Variants in MOK observed in about 807,000 individuals in gnomAD.
MOK encodes MOK protein kinase, also known as MAPK/MAK/MRK overlapping kinase.
In MOK, 59 loss-of-function variants were observed where a neutral mutation model predicts 54.2. The observed-to-expected ratio is 1.09, with a 90% CI of 0.88 to 1.35. The LOEUF is 1.35. MOK is among the 40% of genes most tolerant of loss of function. The pLI is 0.00. For synonymous variants in MOK, 210 were observed against 202.7 expected, an observed-to-expected ratio of 1.04 and a Z score of -0.31; for missense variants, 517 against 526.2, an observed-to-expected ratio of 0.98 and a Z score of 0.17.
chr14:102,299,139 G>C (rs1195705735), intron 1 of MOK, among the ~76,000 whole-genome samples: 1 of 151,546 alleles, frequency 6.6e-6, no homozygotes, highest in African/African-American at 2.4e-5. Context: ...ATTTAAGAAA[G>C]ACAAATTACT....
At chr14:102,293,915 G>A (rs1283361316) in intron 1 of MOK, among the ~76,000 whole-genome samples, 1 of 152,136 alleles carries the variant, frequency 6.6e-6, no homozygotes, top group Admixed American at 6.6e-5. Flanking sequence ...AGAAATCAGT[G>A]AAAGTGTTGG....
the MOK span, among the ~76,000 whole-genome samples, chr14:102,216,732 C>A: frequency 1.3e-5 from 2 of 152,272 alleles, no homozygotes; most frequent in African/African-American, 4.8e-5. Flanking sequence ...GAGTTTGAGA[C>A]CAGCCCAGCC....
chr14:102,297,544 G>A (rs2071571694), intron 1 of MOK, among the ~76,000 whole-genome samples: 1 of 152,220 alleles, frequency 6.6e-6, no homozygotes, highest in South Asian at 2.1e-4. Flanking sequence ...CCTCGGCCTC[G>A]GTGCCCACTC....
chr14:102,224,653 G>A (rs1309227875), downstream of MOK: 12 of 455,956 alleles, frequency 2.6e-5, no homozygotes, highest in Admixed American at 9.4e-5. Context: ...ATGCAGCCAC[G>A]GAAAACTTCA....
intron 2 of MOK, among the ~76,000 whole-genome samples, chr14:102,266,681 CA>C (rs1226477119): frequency 4.6e-5 from 7 of 152,124 alleles, no homozygotes; most frequent in African/African-American, 1.7e-4. Flanking sequence ...CTCCCGGGTT[CA>C]AGCGATTCTC....
At chr14:102,268,423 G>A (rs1167805457) in intron 2 of MOK, among the ~76,000 whole-genome samples, 2 of 151,832 alleles carry the variant, frequency 1.3e-5, no homozygotes, top group Non-Finnish European at 2.9e-5. Flanking sequence ...TCTTTGCCTT[G>A]GAGTTGCGTT....
At chr14:102,228,503 G>A (rs1314275788), downstream of MOK, among the ~76,000 whole-genome samples, 1 of 152,068 alleles carries the variant, frequency 6.6e-6, no homozygotes, top group Non-Finnish European at 1.5e-5. Context: ...TTTGAGACCA[G>A]CCTGACCAAC....
downstream of MOK, among the ~76,000 whole-genome samples, chr14:102,224,191 G>A (rs183994579): frequency 2.7e-3 from 417 of 151,920 alleles, 2 homozygotes; most frequent in African/African-American, 8.9e-3. Context: ...ACAGGCGCCC[G>A]CCACCACGCC....
rs1389333194 is a variant in MOK at position 102,287,819 on chromosome 14, GA to G, written c.8-4228del. The stretch of plus-strand genomic sequence containing the variant: ...AAAAACAGTTTAGCCAGTTCTTTGA[GA>G]TTTTTTTTTTTTTTTTTTTTTTTGA... On this transcript the variant is annotated intron_variant, in intron 1 of 11. Transcript: ENST00000361847. 9.0e-5 allele frequency among the ~76,000 whole-genome samples: 13 copies of G among 143,732 alleles called. 1 individual carries two copies. Among genetic ancestry groups the G allele is most frequent in the East Asian group, 6.1e-4 (3 of 4,920 alleles). 94.3% of individuals were successfully genotyped at this position (143,732 alleles called of 152,430 possible).
intron 2 of MOK, among the ~76,000 whole-genome samples, chr14:102,267,655 A>T (rs1157327303): frequency 6.6e-6 from 1 of 152,228 alleles, no homozygotes; most frequent in African/African-American, 2.4e-5. Context: ...AAGAGCCTGA[A>T]AACAGAATAG....
rs760870257 is a variant in MOK at position 102,229,581 on chromosome 14, T to C, written c.1058A>G (p.Lys353Arg). 9 of 1,614,052 alleles carry C rather than the reference T, an allele frequency of 5.6e-6. No homozygotes were observed. Reference protein sequence around the residue: ...PAYVMELPKLKLSGVVRLSSY... With the variant: ...PAYVMELPKLRLSGVVRLSSY... ...CGACAGTCTGACCACTCCCGAAAGC[T>C]TTAGTTTGGGCAGTTCCATGACATA... The change falls in exon 11 of 12, where the codon AAG (lysine) becomes AGG (arginine). Residue 353 changes from lysine (K) to arginine (R), a missense_variant. By Grantham distance (26) the Lys-to-Arg change is conservative (BLOSUM62 2). Transcript: ENST00000361847.
intron 1 of MOK, among the ~76,000 whole-genome samples, chr14:102,286,712 G>A (rs982609092): frequency 3.9e-5 from 6 of 152,110 alleles, no homozygotes; most frequent in African/African-American, 1.2e-4. Context: ...GCCCCCATAG[G>A]AAACTGGATT....
chr14:102,285,646 C>A (rs2069958363), intron 1 of MOK, among the ~76,000 whole-genome samples: 1 of 152,168 alleles, frequency 6.6e-6, no homozygotes, highest in Non-Finnish European at 1.5e-5. Context: ...AATCCCAGCA[C>A]TTTGGGAGAC....
intron 7 of MOK, among the ~76,000 whole-genome samples, chr14:102,242,135 T>C (rs756515896): frequency 3.3e-5 from 5 of 152,230 alleles, no homozygotes; most frequent in Non-Finnish European, 7.3e-5. Context: ...GGAAGCCTCC[T>C]GGACCATCAC....
rs1274527128 is a variant in MOK at position 102,265,897 on chromosome 14, G to A, written c.138C>T (p.Asn46=). The change falls in exon 3 of 12, where the codon AAC becomes AAT. Residue 46 remains asparagine, a synonymous_variant. Coordinates refer to ENST00000361847, the MANE Select transcript of MOK (RefSeq NM_014226.3). ...KQRFESIEQV[N]NLREIQALRR... ...TCAGTGCTTGGATCTCTCGTAGGTT[G>A]TTGACTTGCTCAATACTATCGTGTA... 4 of 1,613,332 alleles carry A rather than the reference G, an allele frequency of 2.5e-6. No individual in the cohort carries two copies. Among genetic ancestry groups the A allele is most frequent in the Non-Finnish European group, 3.4e-6 (4 of 1,179,480 alleles).
At chr14:102,297,999 A>AGCCTCCCCGAGGAGC (rs762844508) in intron 1 of MOK, among the ~76,000 whole-genome samples, 8 of 152,156 alleles carry the variant, frequency 5.3e-5, no homozygotes, top group Non-Finnish European at 1.0e-4. Context: ...GCGCAGCCCA[A>AGCCTCCCCGAGGAGC]GCCTCCCCGA....
At chr14:102,227,335 C>T (rs891774921), downstream of MOK, among the ~76,000 whole-genome samples, 1 of 151,734 alleles carries the variant, frequency 6.6e-6, no homozygotes, top group Non-Finnish European at 1.5e-5. Flanking sequence ...CGCCGCCCCC[C>T]CTACAGCCAT....
At chr14:102,252,648 T>C (rs982654470) in intron 4 of MOK, among the ~76,000 whole-genome samples, 5 of 152,224 alleles carry the variant, frequency 3.3e-5, no homozygotes. Flanking sequence ...GTTTCCTTCA[T>C]ATCTGAGCTA....
chr14:102,297,950 C>T (rs549045121), intron 1 of MOK, among the ~76,000 whole-genome samples: 5 of 152,336 alleles, frequency 3.3e-5, no homozygotes, highest in East Asian at 3.9e-4. Flanking sequence ...ACCTGCATCC[C>T]GCCATGCCTG....
Sources: allele counts gnomAD v4.1 joint callset (sites outside exome capture counted in the v4.1 genomes callset), GRCh38; gene constraint gnomAD v4.1.1; transcripts MANE v1.5; gene names NCBI Gene and HGNC (gene_info 2026-07-23, HGNC 2026-07-21).